CACYBP: variants seen among roughly 807,000 people sequenced by gnomAD.
The protein encoded by CACYBP is calcyclin binding protein, also known as calcyclin-binding protein.
CACYBP carries 11 observed loss-of-function variants against 29.6 expected under a neutral mutation model. The ratio of observed to expected loss-of-function variants is 0.37; its 90% CI spans 0.23 to 0.61. CACYBP has a LOEUF of 0.61. Ranked by LOEUF, CACYBP falls within the 20% of genes least tolerant of loss-of-function variation. The pLI, the probability that CACYBP is intolerant of heterozygous loss-of-function variation, is 0.65. For synonymous variants in CACYBP, 73 were observed against 88.3 expected, an observed-to-expected ratio of 0.83 and a Z score of 0.97; for missense variants, 163 against 260.7, an observed-to-expected ratio of 0.63 and a Z score of 2.58.
intron 1 of CACYBP, among the ~76,000 whole-genome samples, chr1:175,001,732 A>T (rs1295882192): frequency 1.3e-5 from 2 of 152,106 alleles, no homozygotes; most frequent in African/African-American, 4.8e-5. Flanking sequence ...TCATCCGTTT[A>T]TGGACATTTA....
Position 175,000,091 on chromosome 1 carries a change from G to C in CACYBP, c.-90G>C. On this transcript the variant is annotated 5_prime_UTR_variant, in exon 1 of 6. Transcript: ENST00000367679. The stretch of plus-strand genomic sequence containing the variant: ...AGCGCCGCGACTCGTGCGGGTAGGC[G>C]TCTGCGCTCGGTTTGAGGGCTCGGC... 3.9e-6 allele frequency: 6 copies of C among 1,529,154 alleles called. No individual in the cohort carries two copies. The highest frequency in any genetic ancestry group is 4.4e-6 in the Non-Finnish European group (5 of 1,126,354). 94.7% of individuals were successfully genotyped at this position (1,529,154 alleles called of 1,614,324 possible). A position where few individuals can be genotyped will look rare whatever the true frequency, so the allele number is the denominator to read the frequency against.
intron 1 of CACYBP, chr1:175,000,435 A>T: frequency 7.2e-7 from 1 of 1,379,582 alleles, no homozygotes. Context: ...GTGTGCGGCG[A>T]TTATCCGTGC....
rs576317141 is a variant in CACYBP at position 175,009,826 on chromosome 1, T to C, written c.531-97T>C. The C allele has an allele frequency of 1.4e-3, 1,298 of 898,448 alleles. 3 individuals carry two copies. The highest frequency in any genetic ancestry group is 1.9e-3 in the Non-Finnish European group (1,106 of 585,658). The allele number at this position is 898,448 out of a possible 1,614,324, so 55.7% of individuals were successfully genotyped here. On this transcript the variant is annotated intron_variant, in intron 5 of 5. Transcript: ENST00000367679. ...ATATCTTTGGGTACTCTGTCTTCCT[T>C]CTTATCCCTCTACTTCCTGCCAGTG... is the stretch of plus-strand genomic sequence containing the variant.
At chr1:175,006,497 G>A in intron 2 of CACYBP, 1 of 310,094 alleles carries the variant, frequency 3.2e-6, no homozygotes, top group Non-Finnish European at 5.9e-6. Flanking sequence ...CATAGGTTTT[G>A]TATTCAGAAA....
Position 175,010,073 on chromosome 1 carries a change from A to G in CACYBP, c.681A>G (p.Glu227=). The change falls in exon 6 of 6, where the codon GAA becomes GAG. Residue 227 remains glutamate (E), a synonymous_variant. Transcript: ENST00000367679. ...AGAAGCAAGCCAAAGGAGACACGGAATTTTGAGACTTTAAAGTCGTTTTGG... is the reference window on the plus strand; with the variant it reads ...AGAAGCAAGCCAAAGGAGACACGGAGTTTTGAGACTTTAAAGTCGTTTTGG... ...SREKQAKGDT[E]F The G allele has an allele frequency of 6.2e-7, 1 of 1,612,134 alleles. No homozygotes were observed. The highest frequency in any genetic ancestry group is 8.5e-7 in the Non-Finnish European group (1 of 1,179,244).
At chr1:175,008,309 C>G (rs1363674410) in intron 4 of CACYBP, among the ~76,000 whole-genome samples, 2 of 152,082 alleles carry the variant, frequency 1.3e-5, no homozygotes, top group African/African-American at 4.8e-5. Context: ...CCTTAGGCTT[C>G]GGCTCAGATT....
At chr1:175,007,061 G>A in intron 3 of CACYBP, 37 bp from the exon 4 acceptor site, 2 of 1,355,340 alleles carry the variant, frequency 1.5e-6, no homozygotes, top group Non-Finnish European at 2.1e-6. Flanking sequence ...ACCTTTCATA[G>A]AACTAGAAAG....
intron 1 of CACYBP, 72 bp downstream of exon 1, chr1:175,000,267 C>G: frequency 1.9e-6 from 3 of 1,549,402 alleles, no homozygotes; most frequent in South Asian, 2.4e-5. Context: ...GCCCTACCGC[C>G]GTTTCCGTGG....
At chr1:175,001,371 A>G (rs1672485434) in intron 1 of CACYBP, among the ~76,000 whole-genome samples, 1 of 152,202 alleles carries the variant, frequency 6.6e-6, no homozygotes. Context: ...CAATTCAGGT[A>G]TTTGTTTTTT....
At chr1:175,008,789 T>C (rs1235386705) in intron 5 of CACYBP, 83 bp downstream of exon 5, 4 of 750,928 alleles carry the variant, frequency 5.3e-6, no homozygotes, top group Admixed American at 2.0e-5. Flanking sequence ...TTATGGATAA[T>C]GTATTTCTGC....
In CACYBP at chr1:175,004,660, C is replaced by G. The variant is rs200698993; in HGVS notation, c.62C>G (p.Thr21Ser). The stretch of plus-strand genomic sequence containing the variant: ...GTAAAGGTGTTGCTGGAAAAGGCTA[C>G]TAGGAAAAGAGTACGTGATGCCCTT... ...EEVKVLLEKA[T>S]RKRVRDALTA... The change falls in exon 2 of 6, where the codon ACT becomes AGT. Residue 21 changes from threonine (T) to serine (S), a missense_variant. Physicochemically the swap from Thr to Ser is moderately conservative, Grantham distance 58 (BLOSUM62 1). Coordinates refer to ENST00000367679, the MANE Select transcript of CACYBP (RefSeq NM_014412.3). The G allele has an allele frequency of 6.2e-7, 1 of 1,612,686 alleles. No individual in the cohort carries two copies. Among genetic ancestry groups the G allele is most frequent in the Non-Finnish European group, 8.5e-7 (1 of 1,179,520 alleles).
rs778172955 is a variant in CACYBP, at chr1:175,008,639, A to C, written c.463A>C (p.Arg155=). 1 of 1,587,630 alleles carries C rather than the reference A, an allele frequency of 6.3e-7. No individual in the cohort carries two copies. Among genetic ancestry groups the C allele is most frequent in the Non-Finnish European group, 8.7e-7 (1 of 1,155,946 alleles). ...VKTDTVLILC[R]KKVENTRWDY... ...GACTGATACAGTTCTTATATTGTGTAGAAAGAAAGTGGAAAACACAAGGTG... is the reference window on the plus strand; with the variant it reads ...GACTGATACAGTTCTTATATTGTGTCGAAAGAAAGTGGAAAACACAAGGTG... The change falls in exon 5 of 6, where the codon AGA becomes CGA. Residue 155 remains arginine, a synonymous_variant. Transcript: ENST00000367679.
chr1:175,004,134 C>G (rs1447211130), intron 1 of CACYBP, among the ~76,000 whole-genome samples: 2 of 152,008 alleles, frequency 1.3e-5, no homozygotes, highest in African/African-American at 4.8e-5. Context: ...CAATCAGTGA[C>G]AGAAAGTGGA....
chr1:175,001,068 TTTTG>T (rs1672474454), intron 1 of CACYBP, among the ~76,000 whole-genome samples: 1 of 152,194 alleles, frequency 6.6e-6, no homozygotes, highest in Admixed American at 6.5e-5. Flanking sequence ...TTTTGTTTTG[TTTTG>T]TTTTTGTTTT....
upstream of CACYBP, chr1:174,999,691 T>G (rs892574114): frequency 1.2e-5 from 3 of 241,980 alleles, no homozygotes; most frequent in African/African-American, 4.8e-5. Flanking sequence ...CGAAGATCGG[T>G]ACGTTATTTC....
Position 175,010,110 on chromosome 1 carries a change from T to C in CACYBP, c.*31T>C, listed in dbSNP as rs1195824505. ...TAAAGTCGTTTTGGGAACTGTGATG[T>C]GATGTGGAAATACTGATGTTTCCAG... On this transcript the variant is annotated 3_prime_UTR_variant, in exon 6 of 6. Coordinates refer to ENST00000367679, the MANE Select transcript of CACYBP (RefSeq NM_014412.3). The C allele has an allele frequency of 6.3e-7, 1 of 1,594,072 alleles. No homozygotes were observed. The highest frequency in any genetic ancestry group is 1.7e-5 in the Admixed American group (1 of 58,176).
chr1:175,006,252 T>C (rs1672617914), intron 2 of CACYBP, among the ~76,000 whole-genome samples: 2 of 152,160 alleles, frequency 1.3e-5, no homozygotes, highest in South Asian at 4.2e-4. Flanking sequence ...AATTGGAGTC[T>C]TTTACATTCT....
chr1:175,001,798 A>G (rs1375579976), intron 1 of CACYBP, among the ~76,000 whole-genome samples: 3 of 152,110 alleles, frequency 2.0e-5, no homozygotes, highest in South Asian at 2.1e-4. Context: ...CTGGAGTGCA[A>G]TGGCGCAATC....
Position 175,000,113 on chromosome 1 carries a change from C to T in CACYBP, c.-68C>T, listed in dbSNP as rs1035162570. 1.9e-5 allele frequency: 30 copies of T among 1,561,178 alleles called. No homozygotes were observed. The highest frequency in any genetic ancestry group is 1.7e-4 in the Middle Eastern group (1 of 5,882). ...GGCGTCTGCGCTCGGTTTGAGGGCT[C>T]GGCGCGGGGTTTCCTGTTCCTCCTT... On this transcript the variant is annotated 5_prime_UTR_variant, in exon 1 of 6. Coordinates refer to ENST00000367679, the MANE Select transcript of CACYBP (RefSeq NM_014412.3).
Sources: gnomAD v4.1 joint callset for allele counts (sites outside exome capture counted in the v4.1 genomes callset) on GRCh38, gnomAD v4.1.1 for gene constraint, MANE v1.5 for transcripts, NCBI Gene and HGNC (gene_info 2026-07-23, HGNC 2026-07-21) for gene names.